The following CCDC73 variants were observed in gnomAD, a reference collection of about 807,000 sequenced individuals.
CCDC73 encodes coiled-coil domain containing 73, also known as coiled-coil domain-containing protein 73.
CCDC73 carries 95 observed loss-of-function variants against 116.5 expected under a neutral mutation model. That is an observed-to-expected ratio of 0.82 (90% confidence interval 0.69 to 0.97). CCDC73 has a LOEUF of 0.97. CCDC73 is among the 50% of genes least tolerant of loss of function. The pLI is 0.00. For synonymous variants in CCDC73, 398 were observed against 401.3 expected, an observed-to-expected ratio of 0.99 and a Z score of 0.10; for missense variants, 1,066 against 1,206.8, an observed-to-expected ratio of 0.88 and a Z score of 1.73.
At chr11:32,663,249 T>C (rs958092906) in intron 9 of CCDC73, among the ~76,000 whole-genome samples, 57 of 152,354 alleles carry the variant, frequency 3.7e-4, no homozygotes, top group East Asian at 5.8e-4. Flanking sequence ...GGGGATGGCA[T>C]TGAATCTATA....
In CCDC73 at chr11:32,654,949, G is replaced by C; in HGVS notation, c.669C>G (p.Asp223Glu). The change falls in exon 10 of 18, where the codon GAC becomes GAG. Residue 223 changes from aspartate (D) to glutamate (E), a missense_variant. By Grantham distance (45) the Asp-to-Glu change is conservative. Transcript: ENST00000335185. ...LKKELKKAAS[D>E]LIKSKVTCQY... The stretch of plus-strand genomic sequence containing the variant: ...GACATGTGACTTTGGACTTTATCAA[G>C]TCTGAGGCTGCTTTTTTTAGTTCCT... 6.3e-7 allele frequency: 1 copy of C among 1,594,232 alleles called. No individual in the cohort carries two copies. Among genetic ancestry groups the C allele is most frequent in the South Asian group, 1.2e-5 (1 of 85,976 alleles).
intron 2 of CCDC73, among the ~76,000 whole-genome samples, chr11:32,721,110 C>A (rs994861475): frequency 4.6e-5 from 7 of 152,042 alleles, no homozygotes; most frequent in Non-Finnish European, 1.0e-4. Context: ...CTGCAACCTC[C>A]GCATCCCAGG....
intron 2 of CCDC73, among the ~76,000 whole-genome samples, chr11:32,738,716 T>C (rs1263143221): frequency 1.3e-5 from 2 of 152,154 alleles, no homozygotes; most frequent in Non-Finnish European, 1.5e-5. Flanking sequence ...GTGATCCCAT[T>C]TGTCCATTTT....
At chr11:32,795,875 A>G (rs1475532813), upstream of CCDC73, among the ~76,000 whole-genome samples, 1 of 152,098 alleles carries the variant, frequency 6.6e-6, no homozygotes, top group African/African-American at 2.4e-5. Flanking sequence ...TTTTTAGTAG[A>G]GACGGGGTTT....
intron 7 of CCDC73, among the ~76,000 whole-genome samples, chr11:32,679,171 A>G (rs984632604): frequency 6.6e-6 from 1 of 152,022 alleles, no homozygotes; most frequent in African/African-American, 2.4e-5. Context: ...AGTCCTGGAG[A>G]GCTTATGCCT....
intron 1 of CCDC73, among the ~76,000 whole-genome samples, chr11:32,773,145 T>C (rs1423089350): frequency 6.6e-6 from 1 of 152,192 alleles, no homozygotes; most frequent in African/African-American, 2.4e-5. Flanking sequence ...TTGAAAATGT[T>C]ACACTAAATG....
chr11:32,752,237 C>T (rs1850292877), intron 2 of CCDC73, among the ~76,000 whole-genome samples: 1 of 152,152 alleles, frequency 6.6e-6, no homozygotes. Context: ...TGTGGGAGTG[C>T]TCTACTCAAG....
intron 14 of CCDC73, among the ~76,000 whole-genome samples, chr11:32,633,546 G>A (rs910130635): frequency 1.3e-5 from 2 of 152,054 alleles, no homozygotes; most frequent in Non-Finnish European, 2.9e-5. Flanking sequence ...GAAATAATAC[G>A]AAGAAAAATA....
At chr11:32,607,440 A>T (rs1302541270) in intron 17 of CCDC73, among the ~76,000 whole-genome samples, 1 of 152,226 alleles carries the variant, frequency 6.6e-6, no homozygotes, top group African/African-American at 2.4e-5. Flanking sequence ...GAACATTAGG[A>T]ATTAGACAAA....
intron 3 of CCDC73, among the ~76,000 whole-genome samples, chr11:32,706,026 A>AAG: frequency 6.6e-6 from 1 of 151,776 alleles, no homozygotes; most frequent in African/African-American, 2.4e-5. Flanking sequence ...AAAAAAAAAA[A>AAG]GAATGAAAAA....
rs559273220 is a variant in CCDC73 at position 32,683,861 on chromosome 11, T to C, written c.391-287A>G. 1.1e-3 allele frequency among the ~76,000 whole-genome samples: 168 copies of C among 152,274 alleles called. 5 individuals are homozygous for C. The South Asian group carries it at 0.034, about 31-fold the overall frequency. ...AAAAGGTATGCATGTTAGAGAGTGA[T>C]AACCACTAAGACAAAAATAAAGCAA... On this transcript the variant is annotated intron_variant, in intron 6 of 17. Transcript: ENST00000335185.
chr11:32,610,258 A>T (rs966314317), intron 17 of CCDC73, among the ~76,000 whole-genome samples: 1 of 152,158 alleles, frequency 6.6e-6, no homozygotes, highest in Non-Finnish European at 1.5e-5. Context: ...CCCTCCCATG[A>T]CACATGGGAA....
At chr11:32,642,110 T>A (rs1319445663) in intron 12 of CCDC73, 28 bp from the exon 13 acceptor site, 1 of 1,503,408 alleles carries the variant, frequency 6.7e-7, no homozygotes, top group South Asian at 1.4e-5. Context: ...ATCCAAAAAA[T>A]AATCAATACC....
At chr11:32,803,283 G>A in the CCDC73 span, among the ~76,000 whole-genome samples, 2 of 151,736 alleles carry the variant, frequency 1.3e-5, no homozygotes, top group African/African-American at 2.4e-5. Context: ...TAGACACGGG[G>A]CTTCACCATG....
chr11:32,758,473 G>GAAAAAAAAA, intron 2 of CCDC73: 1 of 457,232 alleles, frequency 2.2e-6, no homozygotes, highest in Non-Finnish European at 4.3e-6. Context: ...AGGTTATCTT[G>GAAAAAAAAA]AAAAAATGTG....
At chr11:32,804,030 G>A in the CCDC73 span, among the ~76,000 whole-genome samples, 10 of 151,850 alleles carry the variant, frequency 6.6e-5, no homozygotes, top group South Asian at 2.1e-4. Context: ...GGCTAGTCTC[G>A]AACTCCCGAC....
chr11:32,757,296 G>A (rs1343994602), intron 2 of CCDC73, among the ~76,000 whole-genome samples: 1 of 151,888 alleles, frequency 6.6e-6, no homozygotes, highest in Non-Finnish European at 1.5e-5. Context: ...GAAAAGGGGT[G>A]AAGAATTTTA....
chr11:32,623,705 G>T (rs558116114), intron 14 of CCDC73, among the ~76,000 whole-genome samples: 132 of 152,212 alleles, frequency 8.7e-4, no homozygotes, highest in African/African-American at 3.1e-3. Context: ...CAAAAAGTAT[G>T]AGTTTAAACC....
In CCDC73 at chr11:32,690,133, G is replaced by A. The variant is rs750263850; in HGVS notation, c.391-6559C>T. On this transcript the variant is annotated intron_variant, in intron 6 of 17. Coordinates refer to ENST00000335185, the MANE Select transcript of CCDC73 (RefSeq NM_001008391.4). ...TTGAAAGGAGAAAATATAAAGACTC[G>A]TTGGGGAAGGTAATACTTGAAGTGA... Among the ~76,000 whole-genome samples the A allele has an allele frequency of 6.6e-5, 10 of 151,506 alleles. No individual in the cohort carries two copies. The East Asian group carries it at 7.7e-4, about 12-fold the overall frequency.
Sources: gnomAD v4.1 joint callset for allele counts (sites outside exome capture counted in the v4.1 genomes callset) on GRCh38, gnomAD v4.1.1 for gene constraint, MANE v1.5 for transcripts, NCBI Gene and HGNC (gene_info 2026-07-23, HGNC 2026-07-21) for gene names.